The following GALNT17 variants were observed in gnomAD, a reference collection of about 807,000 sequenced individuals.
GALNT17 encodes the protein polypeptide N-acetylgalactosaminyltransferase 17.
In GALNT17, 29 loss-of-function variants were observed where a neutral mutation model predicts 63.7. The ratio of observed to expected loss-of-function variants is 0.46; its 90% CI spans 0.34 to 0.62. The LOEUF is 0.62. GALNT17 is among the 20% of genes least tolerant of loss of function. The pLI, the probability that GALNT17 is intolerant of heterozygous loss-of-function variation, is 0.01. For missense variants in GALNT17, 603 were observed against 799.6 expected, an observed-to-expected ratio of 0.75 and a Z score of 2.97; for synonymous variants, 305 against 318.3, an observed-to-expected ratio of 0.96 and a Z score of 0.45.
intron 6 of GALNT17, among the ~76,000 whole-genome samples, chr7:71,588,592 G>C (rs1411460726): frequency 6.6e-6 from 1 of 152,078 alleles, no homozygotes; most frequent in East Asian, 1.9e-4. Context: ...GCATTCTTTA[G>C]GTATTGCTGT....
At chr7:71,520,210 A>C (rs1345314462) in intron 5 of GALNT17, among the ~76,000 whole-genome samples, 1 of 152,144 alleles carries the variant, frequency 6.6e-6, no homozygotes, top group Non-Finnish European at 1.5e-5. Context: ...CTCTCCAAGG[A>C]TGCTTCCTAA....
chr7:71,491,286 A>G (rs1278249019), intron 5 of GALNT17, among the ~76,000 whole-genome samples: 2 of 152,168 alleles, frequency 1.3e-5, no homozygotes, highest in African/African-American at 4.8e-5. Flanking sequence ...CTGGGTCTTC[A>G]TGGCACTATT....
intron 6 of GALNT17, among the ~76,000 whole-genome samples, chr7:71,592,625 G>A (rs1789826831): frequency 8.8e-6 from 1 of 113,528 alleles, no homozygotes; most frequent in Non-Finnish European, 2.1e-5. Context: ...TGCAGAGTGA[G>A]GCAACCCATT....
intron 1 of GALNT17, among the ~76,000 whole-genome samples, chr7:71,216,036 T>A (rs1246719917): frequency 6.8e-6 from 1 of 146,840 alleles, no homozygotes; most frequent in Non-Finnish European, 1.5e-5. Flanking sequence ...TCATGAGACC[T>A]TGTCTCCATA....
intron 1 of GALNT17, among the ~76,000 whole-genome samples, chr7:71,151,494 G>A (rs947059371): frequency 6.6e-6 from 1 of 151,990 alleles, no homozygotes; most frequent in African/African-American, 2.4e-5. Flanking sequence ...GGTGGCAGGT[G>A]CCTGTAGTCC....
At chr7:71,386,478 A>G (rs530156153) in intron 2 of GALNT17, among the ~76,000 whole-genome samples, 2 of 152,108 alleles carry the variant, frequency 1.3e-5, no homozygotes, top group African/African-American at 2.4e-5. Context: ...TCTCTTTGCT[A>G]TTTCCAATGT....
chr7:71,525,976 G>A (rs111786861), intron 5 of GALNT17, among the ~76,000 whole-genome samples: 4,343 of 151,162 alleles, frequency 0.029, 208 homozygotes, highest in African/African-American at 0.1. Context: ...CTGACCTCAA[G>A]TGATCCACCT....
chr7:71,272,325 C>G (rs1282500726), intron 1 of GALNT17, among the ~76,000 whole-genome samples: 3 of 152,042 alleles, frequency 2.0e-5, no homozygotes. Flanking sequence ...TTTTCATTTA[C>G]CTTGGGTAGA....
At chr7:71,503,878 G>T (rs557878839) in intron 5 of GALNT17, among the ~76,000 whole-genome samples, 1 of 152,012 alleles carries the variant, frequency 6.6e-6, no homozygotes, top group African/African-American at 2.4e-5. Flanking sequence ...GGCAGATCAC[G>T]AGGTCAGGAG....
intron 5 of GALNT17, among the ~76,000 whole-genome samples, chr7:71,497,891 A>G (rs186543415): frequency 1.4e-4 from 22 of 152,370 alleles, no homozygotes; most frequent in African/African-American, 5.3e-4. Context: ...TAGAGAAACA[A>G]GAACATCCAC....
intron 1 of GALNT17, among the ~76,000 whole-genome samples, chr7:71,206,712 G>T (rs189100683): frequency 6.6e-6 from 1 of 151,988 alleles, no homozygotes; most frequent in African/African-American, 2.4e-5. Context: ...ACTTGATCAG[G>T]GTCTCATATT....
intron 5 of GALNT17, among the ~76,000 whole-genome samples, chr7:71,515,225 G>C (rs1206117127): frequency 1.3e-5 from 2 of 152,164 alleles, no homozygotes; most frequent in African/African-American, 2.4e-5. Context: ...CAAAGAGAGA[G>C]AAATGCCTTA....
chr7:71,159,565 C>T (rs1788301928), intron 1 of GALNT17, among the ~76,000 whole-genome samples: 1 of 149,978 alleles, frequency 6.7e-6, no homozygotes, highest in African/African-American at 2.5e-5. Flanking sequence ...AATTATATAA[C>T]AAGCACAGCT....
chr7:71,650,433 G>A (rs986956095), intron 6 of GALNT17, among the ~76,000 whole-genome samples: 2 of 152,102 alleles, frequency 1.3e-5, no homozygotes, highest in Non-Finnish European at 2.9e-5. Context: ...TATTTTAGTA[G>A]AGACAAGGTT....
chr7:71,244,273 A>G (rs946859779), intron 1 of GALNT17, among the ~76,000 whole-genome samples: 7 of 152,186 alleles, frequency 4.6e-5, no homozygotes, highest in Non-Finnish European at 8.8e-5. Flanking sequence ...ATCAGGGAGA[A>G]TGCTTGCCAA....
At chr7:71,630,465 AT>A (rs1289367495) in intron 6 of GALNT17, among the ~76,000 whole-genome samples, 2 of 152,018 alleles carry the variant, frequency 1.3e-5, no homozygotes, top group Non-Finnish European at 2.9e-5. Context: ...CTGACTCTGC[AT>A]TTCTATCTCT....
intron 1 of GALNT17, among the ~76,000 whole-genome samples, chr7:71,321,910 C>CCTTCCTTT (rs1791618443): frequency 2.1e-5 from 2 of 94,884 alleles, no homozygotes; most frequent in Admixed American, 1.1e-4. Flanking sequence ...TTCCTTCCTT[C>CCTTCCTTT]CTTCCTTCCT....
At chr7:71,640,860 TA>T (rs1790593964) in intron 6 of GALNT17, among the ~76,000 whole-genome samples, 1 of 149,166 alleles carries the variant, frequency 6.7e-6, no homozygotes, top group South Asian at 2.1e-4. Flanking sequence ...AAAAAAAAAC[TA>T]AACTAAAAAC....
intron 3 of GALNT17, among the ~76,000 whole-genome samples, chr7:71,397,062 G>A (rs1563062869): frequency 6.6e-6 from 1 of 152,026 alleles, no homozygotes; most frequent in East Asian, 1.9e-4. Flanking sequence ...TCTTCAAATA[G>A]TGATAATTTT....
Sources: allele counts gnomAD v4.1 joint callset (sites outside exome capture counted in the v4.1 genomes callset), GRCh38; gene constraint gnomAD v4.1.1; transcripts MANE v1.5; gene names NCBI Gene and HGNC (gene_info 2026-07-23, HGNC 2026-07-21).